Variants in MAGI2 observed in about 807,000 individuals in gnomAD.
MAGI2 encodes the protein membrane-associated guanylate kinase, WW and PDZ domain-containing protein 2.
In MAGI2, 35 loss-of-function variants were observed where a neutral mutation model predicts 133.3. The observed-to-expected ratio is 0.26, with a 90% CI of 0.20 to 0.35. The LOEUF (loss-of-function observed/expected upper bound fraction) is 0.35, where lower values mean the gene tolerates loss of function less well. Ranked by LOEUF, MAGI2 falls within the 10% of genes least tolerant of loss-of-function variation. The pLI, the probability that MAGI2 is intolerant of heterozygous loss-of-function variation, is 1.00. For synonymous variants in MAGI2, 729 were observed against 710.6 expected, an observed-to-expected ratio of 1.03 and a Z score of -0.41; for missense variants, 1,636 against 1,863.4, an observed-to-expected ratio of 0.88 and a Z score of 2.25.
chr7:79,290,384 CTT>C (rs955127875), intron 1 of MAGI2, among the ~76,000 whole-genome samples: 5 of 109,722 alleles, frequency 4.6e-5, no homozygotes, highest in Admixed American at 4.3e-4. Flanking sequence ...TGTACATAAT[CTT>C]TTTAATTTTA....
chr7:79,230,199 C>T (rs1831242229), intron 1 of MAGI2, among the ~76,000 whole-genome samples: 1 of 149,906 alleles, frequency 6.7e-6, no homozygotes, highest in Admixed American at 6.7e-5. Flanking sequence ...CATTGTTGGA[C>T]ATTTGGGTTG....
At chr7:79,430,595 A>C (rs1847713393) in intron 1 of MAGI2, among the ~76,000 whole-genome samples, 1 of 152,228 alleles carries the variant, frequency 6.6e-6, no homozygotes, top group South Asian at 2.1e-4. Flanking sequence ...GGGAGCACCA[A>C]GCACGGATTA....
rs375687308 is a variant in MAGI2, at chr7:78,663,106, A to C, written c.419-35867T>G. On this transcript the variant is annotated intron_variant, in intron 2 of 21. Coordinates refer to ENST00000354212, the MANE Select transcript of MAGI2 (RefSeq NM_012301.4). ...TAGCACACATTTTGAACACACAAGC[A>C]TGTAAGCATTTAGTCTCTTCCCATT... Among the ~76,000 whole-genome samples, 5 of 152,060 alleles carry C rather than the reference A, an allele frequency of 3.3e-5. No homozygotes were observed. The East Asian group carries it at 9.7e-4, about 29-fold the overall frequency.
At chr7:79,135,121 G>C (rs1388808303) in intron 1 of MAGI2, among the ~76,000 whole-genome samples, 1 of 152,160 alleles carries the variant, frequency 6.6e-6, no homozygotes, top group Non-Finnish European at 1.5e-5. Flanking sequence ...ATCAGGTGGT[G>C]TGACTATGGA....
At chr7:78,643,211 A>C (rs1810493474) in intron 2 of MAGI2, among the ~76,000 whole-genome samples, 2 of 152,216 alleles carry the variant, frequency 1.3e-5, no homozygotes, top group African/African-American at 4.8e-5. Flanking sequence ...TTGTCAAGTT[A>C]GAGTAAGGAT....
intron 21 of MAGI2, among the ~76,000 whole-genome samples, chr7:78,042,047 G>A (rs757862): frequency 0.057 from 8,708 of 152,266 alleles, 308 homozygotes; most frequent in Middle Eastern, 0.085. Context: ...CCATTAACAT[G>A]GATACTGAGA....
At chr7:78,143,948 ACT>A (rs1823026014) in intron 16 of MAGI2, among the ~76,000 whole-genome samples, 1 of 143,754 alleles carries the variant, frequency 7.0e-6, no homozygotes, top group Admixed American at 6.9e-5. Context: ...TTGGCCACAG[ACT>A]CTTTTGTTTC....
At chr7:78,267,406 T>C (rs111598345) in intron 9 of MAGI2, among the ~76,000 whole-genome samples, 99 of 152,294 alleles carry the variant, frequency 6.5e-4, no homozygotes, top group African/African-American at 1.7e-3. Flanking sequence ...AAAAGGGAAA[T>C]AGACTTGGCA....
chr7:78,592,930 G>C (rs565505892), intron 3 of MAGI2, among the ~76,000 whole-genome samples: 1 of 143,396 alleles, frequency 7.0e-6, no homozygotes, highest in East Asian at 2.0e-4. Context: ...CACCTCCCGA[G>C]CTCAAGCAAT....
At chr7:78,064,958 C>T (rs1271125373) in intron 21 of MAGI2, among the ~76,000 whole-genome samples, 1 of 151,988 alleles carries the variant, frequency 6.6e-6, no homozygotes, top group African/African-American at 2.4e-5. Context: ...CGAATACTAA[C>T]TCGATGTAAA....
intron 1 of MAGI2, among the ~76,000 whole-genome samples, chr7:79,209,376 A>C (rs1829316071): frequency 6.6e-6 from 1 of 152,116 alleles, no homozygotes; most frequent in South Asian, 2.1e-4. Context: ...ACATTACTGC[A>C]ACAGAATATA....
rs116995232 is a variant in MAGI2 at position 78,196,498 on chromosome 7, T to C, written c.2080-1435A>G. ...CAGGATTGTAACTTTCTGTCCCCTATGGCACCGTCCTGCTTTAGTTTTCAC... is the reference window on the plus strand; with the variant it reads ...CAGGATTGTAACTTTCTGTCCCCTACGGCACCGTCCTGCTTTAGTTTTCAC... On this transcript the variant is annotated intron_variant, in intron 11 of 21. Coordinates refer to ENST00000354212, the MANE Select transcript of MAGI2 (RefSeq NM_012301.4). 2.6e-5 allele frequency among the ~76,000 whole-genome samples: 4 copies of C among 152,362 alleles called. No homozygotes were observed. The East Asian group carries it at 7.7e-4, about 29-fold the overall frequency.
At chr7:78,083,695 T>A (rs1816309754) in intron 20 of MAGI2, among the ~76,000 whole-genome samples, 1 of 152,244 alleles carries the variant, frequency 6.6e-6, no homozygotes, top group Non-Finnish European at 1.5e-5. Context: ...TAGTAAGTTC[T>A]GCATTCCTAC....
At chr7:79,244,498 A>T (rs1401887379) in intron 1 of MAGI2, among the ~76,000 whole-genome samples, 1 of 152,152 alleles carries the variant, frequency 6.6e-6, no homozygotes, top group Non-Finnish European at 1.5e-5. Flanking sequence ...CTTAGTGCTG[A>T]TTTGTTACAG....
intron 1 of MAGI2, among the ~76,000 whole-genome samples, chr7:79,178,382 T>G (rs1242134683): frequency 6.6e-6 from 1 of 151,980 alleles, no homozygotes; most frequent in African/African-American, 2.4e-5. Flanking sequence ...GATATGTCCC[T>G]ATGAAAGAGT....
intron 6 of MAGI2, among the ~76,000 whole-genome samples, chr7:78,442,922 C>T (rs10228924): frequency 0.92 from 139,368 of 152,232 alleles, 64,427 homozygotes; most frequent in East Asian, 0.98. Context: ...CAGGAAAACA[C>T]TAGTTAGTTA....
chr7:78,181,143 C>T (rs947035825), intron 13 of MAGI2, among the ~76,000 whole-genome samples: 2 of 152,004 alleles, frequency 1.3e-5, no homozygotes, highest in Non-Finnish European at 2.9e-5. Flanking sequence ...TCTGGCCCGA[C>T]GACATGTTTC....
intron 3 of MAGI2, among the ~76,000 whole-genome samples, chr7:78,591,482 AG>A (rs533483648): frequency 1.2e-4 from 18 of 152,356 alleles, no homozygotes; most frequent in African/African-American, 4.3e-4. Flanking sequence ...AGAACTCCAG[AG>A]GCTTGGGACT....
At chr7:78,462,116 A>T (rs1333557990) in intron 6 of MAGI2, among the ~76,000 whole-genome samples, 1 of 152,058 alleles carries the variant, frequency 6.6e-6, no homozygotes, top group Non-Finnish European at 1.5e-5. Flanking sequence ...TTAAAACTCA[A>T]TTTTTGAAAA....
Sources: allele counts gnomAD v4.1 joint callset (sites outside exome capture counted in the v4.1 genomes callset), GRCh38; gene constraint gnomAD v4.1.1; transcripts MANE v1.5; gene names NCBI Gene and HGNC (gene_info 2026-07-23, HGNC 2026-07-21).